UBAP2L: variants seen among roughly 807,000 people sequenced by gnomAD.
The protein encoded by UBAP2L is ubiquitin associated protein 2 like.
A neutral mutation model predicts 130.6 loss-of-function variants in UBAP2L; 12 were observed. The ratio of observed to expected loss-of-function variants is 0.09; its 90% CI spans 0.06 to 0.15. UBAP2L has a LOEUF of 0.15. Among genes scored for constraint, UBAP2L ranks in the 10% least tolerant of loss-of-function variants. The pLI, the probability that UBAP2L is intolerant of heterozygous loss-of-function variation, is 1.00. For synonymous variants in UBAP2L, 503 were observed against 524.7 expected (o/e 0.96, Z 0.57); for missense variants, 965 against 1,332.5 (o/e 0.72, Z 4.29).
intron 20 of UBAP2L, 156 bp from the exon 21 acceptor site, chr1:154,258,821 T>C: frequency 1.7e-6 from 1 of 603,204 alleles, no homozygotes; most frequent in East Asian, 2.9e-5. Context: ...TGTACTTTAC[T>C]GCTTTTTCCT....
Position 154,246,245 on chromosome 1 carries a change from T to C in UBAP2L, c.884T>C (p.Met295Thr). The change falls in exon 11 of 27, where the codon ATG (methionine) becomes ACG (threonine). Residue 295 changes from methionine to threonine, a missense_variant. Met to Thr is a moderately conservative substitution (Grantham distance 81, BLOSUM62 -1). Around this residue, in one of 9 missense-constraint regions of UBAP2L, gnomAD observed 99 missense variants for 106.4 expected, o/e 0.93. Transcript: ENST00000428931. ...CTGCTGGGGAAGACACCATCTACAATGGAGAATGATTCATCTAATCTGGAT... is the reference window on the plus strand; with the variant it reads ...CTGCTGGGGAAGACACCATCTACAACGGAGAATGATTCATCTAATCTGGAT... The part of the protein sequence containing the change: ...AVLLGKTPST[M>T]ENDSSNLDPS... 6.2e-7 allele frequency: 1 copy of C among 1,613,592 alleles called. No homozygotes were observed. Among genetic ancestry groups the C allele is most frequent in the Non-Finnish European group, 8.5e-7 (1 of 1,179,762 alleles).
chr1:154,231,499 C>T (rs1258866000), intron 4 of UBAP2L, among the ~76,000 whole-genome samples: 2 of 151,918 alleles, frequency 1.3e-5, no homozygotes, highest in Non-Finnish European at 2.9e-5. Context: ...CAGGGTTTTG[C>T]CATGTTGCCT....
chr1:154,241,184 G>A (rs923937193), intron 8 of UBAP2L, among the ~76,000 whole-genome samples: 1 of 152,014 alleles, frequency 6.6e-6, no homozygotes, highest in Non-Finnish European at 1.5e-5. Context: ...CACCTCCCAG[G>A]TTCAAGCCAT....
chr1:154,237,158 A>G (rs772591896), intron 8 of UBAP2L, 22 bp downstream of exon 8: 2 of 1,587,674 alleles, frequency 1.3e-6, no homozygotes, highest in Non-Finnish European at 8.6e-7. Context: ...TTTATCATTC[A>G]TTTCTTGTCT....
At chr1:154,227,245 C>T (rs1277677826) in intron 2 of UBAP2L, 37 bp from the exon 3 acceptor site, 3 of 1,579,234 alleles carry the variant, frequency 1.9e-6, no homozygotes, top group African/African-American at 2.7e-5. Context: ...ACTGTTGCCT[C>T]ATGATTATGC....
rs760214252 is a variant in UBAP2L, at chr1:154,234,748, G to A, written c.437G>A (p.Arg146His). ...CCAAGACGGGGGAGAGGTGCCAGCCGTGGACGAGAGTGTATGCATGGGGCT... is the reference window on the plus strand; with the variant it reads ...CCAAGACGGGGGAGAGGTGCCAGCCATGGACGAGAGTGTATGCATGGGGCT... ...GPPRRGRGASRGREFRGQENG... is the reference protein window; with the variant it reads ...GPPRRGRGASHGREFRGQENG... Residue 146 changes from arginine (R) to histidine (H), a missense_variant, in exon 5 of 27, where the codon CGT becomes CAT. Arg to His is a conservative substitution (Grantham distance 29, BLOSUM62 0). Coordinates refer to ENST00000428931, the MANE Select transcript of UBAP2L (RefSeq NM_014847.4). 10 of 1,593,518 alleles carry A rather than the reference G, an allele frequency of 6.3e-6. No individual in the cohort carries two copies. Among genetic ancestry groups the A allele is most frequent in the South Asian group, 3.4e-5 (3 of 88,510 alleles).
At chr1:154,242,704 A>G (rs905120646) in intron 9 of UBAP2L, among the ~76,000 whole-genome samples, 4 of 152,198 alleles carry the variant, frequency 2.6e-5, no homozygotes, top group Admixed American at 6.5e-5. Flanking sequence ...GGCAAAAATA[A>G]CATCTAGTTA....
At position 154,262,401 on chromosome 1, in the gene UBAP2L, C is replaced by G. The variant is rs1443704266; in HGVS notation, c.2902+704C>G. On this transcript the variant is annotated intron_variant, in intron 24 of 26. Coordinates refer to ENST00000428931, the MANE Select transcript of UBAP2L (RefSeq NM_014847.4). ...CTTGCTTCCATACCTGACATCTGTG[C>G]TCTACTTTTGGAGGACAGGGAGTGA... Among the ~76,000 whole-genome samples the G allele has an allele frequency of 2.0e-5, 3 of 152,184 alleles. No individual in the cohort carries two copies. In the East Asian group the frequency reaches 5.8e-4, roughly 29 times the overall value.
At chr1:154,246,703 C>A (rs1039857500) in intron 11 of UBAP2L, among the ~76,000 whole-genome samples, 2 of 152,148 alleles carry the variant, frequency 1.3e-5, no homozygotes, top group African/African-American at 4.8e-5. Context: ...CTTTTGCAGC[C>A]CTCATTAAAC....
chr1:154,263,121 C>T, intron 24 of UBAP2L: 1 of 1,552,076 alleles, frequency 6.4e-7, no homozygotes, highest in South Asian at 1.2e-5. Context: ...TATCCACCCC[C>T]TTACAAGCAT....
chr1:154,227,242 C>G (rs1353750143), intron 2 of UBAP2L, 40 bp from the exon 3 acceptor site: 2 of 1,562,812 alleles, frequency 1.3e-6, no homozygotes, highest in East Asian at 4.5e-5. Context: ...TAAACTGTTG[C>G]CTCATGATTA....
chr1:154,227,379 A>G lies in UBAP2L; in HGVS notation c.168+20A>G, dbSNP rs754499393. 8.8e-6 allele frequency: 14 copies of G among 1,593,834 alleles called. No homozygotes were observed. In the Middle Eastern group the frequency reaches 5.0e-4, roughly 57 times the overall value. On this transcript the variant is annotated intron_variant, in intron 3 of 26. Coordinates refer to ENST00000428931, the MANE Select transcript of UBAP2L (RefSeq NM_014847.4). ...AAACAAGTGAGTGTATCACTAATTTACTGTACACTATGAGAAAAGATACCA... is the reference window on the plus strand; with the variant it reads ...AAACAAGTGAGTGTATCACTAATTTGCTGTACACTATGAGAAAAGATACCA...
At position 154,270,459 on chromosome 1, in the gene UBAP2L, AT is replaced by A. The variant is rs759350582; in HGVS notation, c.*165del. On this transcript the variant is annotated 3_prime_UTR_variant, in exon 27 of 27. Coordinates refer to ENST00000428931, the MANE Select transcript of UBAP2L (RefSeq NM_014847.4). ...TTCATGTCTGTCCCATTCCTATACCATCCCCACCCTGTTGTATGTATTATAG... is the reference window on the plus strand; with the variant it reads ...TTCATGTCTGTCCCATTCCTATACCACCCCACCCTGTTGTATGTATTATAG... 5 of 1,505,028 alleles carry A rather than the reference AT, an allele frequency of 3.3e-6. No individual in the cohort carries two copies. The highest frequency in any genetic ancestry group is 4.4e-6 in the Non-Finnish European group (5 of 1,134,676). 93.2% of individuals were successfully genotyped at this position (1,505,028 alleles called of 1,614,324 possible). A position where few individuals can be genotyped will look rare whatever the true frequency, so the allele number is the denominator to read the frequency against.
intron 24 of UBAP2L, chr1:154,263,067 C>A (rs921039630): frequency 7.8e-6 from 12 of 1,548,028 alleles, no homozygotes; most frequent in Admixed American, 2.0e-5. Context: ...TTTTGTCATT[C>A]CATTCATTTA....
At chr1:154,259,609 A>C (rs970074597) in intron 21 of UBAP2L, 2 of 346,168 alleles carry the variant, frequency 5.8e-6, no homozygotes, top group Non-Finnish European at 1.1e-5. Context: ...TGTCCCAGAC[A>C]CTTTAAATTA....
intron 24 of UBAP2L, chr1:154,263,294 C>G: frequency 2.1e-6 from 3 of 1,457,782 alleles, no homozygotes; most frequent in African/African-American, 2.9e-5. Flanking sequence ...TTGGTGGATA[C>G]CTTCTGGGCT....
At chr1:154,247,855 A>G (rs1351723767) in intron 11 of UBAP2L, among the ~76,000 whole-genome samples, 1 of 152,136 alleles carries the variant, frequency 6.6e-6, no homozygotes, top group Non-Finnish European at 1.5e-5. Flanking sequence ...TAAATGTTAG[A>G]GGATTAATTT....
intron 24 of UBAP2L, among the ~76,000 whole-genome samples, chr1:154,264,493 T>C (rs1682620811): frequency 6.6e-6 from 1 of 152,228 alleles, no homozygotes; most frequent in Non-Finnish European, 1.5e-5. Flanking sequence ...TCTAATACTG[T>C]AATTGAGATT....
intron 10 of UBAP2L, among the ~76,000 whole-genome samples, chr1:154,244,149 A>AT (rs144451789): frequency 9.0e-4 from 137 of 152,156 alleles, no homozygotes; most frequent in Middle Eastern, 3.4e-3. Context: ...AACCTCTTGG[A>AT]TTTTTTCTAG....
Sources: allele counts gnomAD v4.1 joint callset (sites outside exome capture counted in the v4.1 genomes callset), GRCh38; gene constraint gnomAD v4.1.1; regional missense constraint gnomAD v4.1.1; transcripts MANE v1.5; gene names NCBI Gene and HGNC (gene_info 2026-07-23, HGNC 2026-07-21).